Variants in AUTS2 observed in about 807,000 individuals in gnomAD.
AUTS2 encodes autism susceptibility gene 2 protein.
AUTS2 carries 17 observed loss-of-function variants against 112.4 expected under a neutral mutation model. The observed-to-expected ratio is 0.15, with a 90% confidence interval of 0.10 to 0.23. AUTS2 has a LOEUF of 0.23. Ranked by LOEUF, AUTS2 falls within the 10% of genes least tolerant of loss-of-function variation. The pLI, the probability that AUTS2 is intolerant of heterozygous loss-of-function variation, is 1.00. For missense variants in AUTS2, 1,510 were observed against 1,701.6 expected (o/e 0.89, Z 1.98); for synonymous variants, 751 against 702.7 (o/e 1.07, Z -1.09).
chr7:70,350,155 T>C (rs1449302974), intron 4 of AUTS2, among the ~76,000 whole-genome samples: 7 of 152,218 alleles, frequency 4.6e-5, no homozygotes, highest in Non-Finnish European at 2.9e-5. Flanking sequence ...CTGGAATTCA[T>C]GGGCTAAGTA....
intron 5 of AUTS2, among the ~76,000 whole-genome samples, chr7:70,579,598 C>T (rs897671121): frequency 6.6e-6 from 1 of 152,118 alleles, no homozygotes; most frequent in African/African-American, 2.4e-5. Flanking sequence ...TCAAGCCTAC[C>T]CTGCCCAGGG....
intron 1 of AUTS2, among the ~76,000 whole-genome samples, chr7:69,671,946 G>A (rs1232283771): frequency 6.6e-6 from 1 of 152,120 alleles, no homozygotes; most frequent in Non-Finnish European, 1.5e-5. Context: ...ATAAAGCCAT[G>A]TTAAGGCTTC....
chr7:70,378,622 G>A (rs1467933381), intron 4 of AUTS2, among the ~76,000 whole-genome samples: 1 of 152,218 alleles, frequency 6.6e-6, no homozygotes, highest in Non-Finnish European at 1.5e-5. Flanking sequence ...GTGGCAGACA[G>A]GGTTCTACTT....
At chr7:70,081,367 A>G (rs1172683044) in intron 2 of AUTS2, among the ~76,000 whole-genome samples, 1 of 148,346 alleles carries the variant, frequency 6.7e-6, no homozygotes, top group Non-Finnish European at 1.5e-5. Flanking sequence ...CCTAGCCAAC[A>G]TGGCGAAACC....
chr7:70,356,646 A>G (rs981946833), intron 4 of AUTS2, among the ~76,000 whole-genome samples: 12 of 152,122 alleles, frequency 7.9e-5, no homozygotes, highest in Non-Finnish European at 1.8e-4. Context: ...TGCAGTGTGT[A>G]CTCAGTTATA....
At chr7:70,215,114 G>A (rs998004639) in intron 4 of AUTS2, among the ~76,000 whole-genome samples, 3 of 152,024 alleles carry the variant, frequency 2.0e-5, no homozygotes, top group African/African-American at 4.8e-5. Flanking sequence ...CTGAGACCCC[G>A]TCTCTACAAA....
At chr7:70,448,448 C>T (rs531657200) in intron 5 of AUTS2, among the ~76,000 whole-genome samples, 84 of 152,264 alleles carry the variant, frequency 5.5e-4, no homozygotes, top group African/African-American at 1.8e-3. Context: ...TCCCTGCCCC[C>T]GCTCCCCTCC....
intron 1 of AUTS2, among the ~76,000 whole-genome samples, chr7:69,717,601 T>C (rs1798684173): frequency 1.3e-5 from 2 of 152,190 alleles, no homozygotes; most frequent in South Asian, 4.1e-4. Context: ...AAAAAAAATT[T>C]TTTTTGAAGT....
chr7:69,955,002 T>C (rs1459323485), intron 2 of AUTS2, among the ~76,000 whole-genome samples: 3 of 152,236 alleles, frequency 2.0e-5, no homozygotes, highest in African/African-American at 7.2e-5. Context: ...GCATTTGTTC[T>C]GTAACACCAT....
intron 3 of AUTS2, among the ~76,000 whole-genome samples, chr7:70,130,374 A>G (rs1293177275): frequency 6.6e-6 from 1 of 152,222 alleles, no homozygotes; most frequent in Non-Finnish European, 1.5e-5. Context: ...TAAAACAGAA[A>G]TGTTAACTTC....
chr7:69,894,939 G>A (rs907311967), intron 1 of AUTS2, among the ~76,000 whole-genome samples: 4 of 152,138 alleles, frequency 2.6e-5, no homozygotes, highest in Middle Eastern at 3.4e-3. Context: ...CATGGTAGAC[G>A]AATGAATCAA....
chr7:70,609,452 T>C (rs1803956506), intron 5 of AUTS2, among the ~76,000 whole-genome samples: 1 of 147,606 alleles, frequency 6.8e-6, no homozygotes, highest in East Asian at 2.0e-4. Flanking sequence ...TGGAGTGCAG[T>C]GGTGTGATCT....
intron 6 of AUTS2, among the ~76,000 whole-genome samples, chr7:70,717,217 T>TAA (rs2129550799): frequency 6.6e-6 from 1 of 152,108 alleles, no homozygotes. Flanking sequence ...GGCTAATTTT[T>TAA]TAATTTTCTA....
At chr7:70,022,460 A>C (rs887437791) in intron 2 of AUTS2, among the ~76,000 whole-genome samples, 27 of 152,008 alleles carry the variant, frequency 1.8e-4, no homozygotes, top group African/African-American at 6.0e-4. Flanking sequence ...GCTGGGATTA[A>C]CAGGTGCACA....
chr7:70,419,470 A>G (rs1795124068), intron 4 of AUTS2, among the ~76,000 whole-genome samples: 1 of 152,158 alleles, frequency 6.6e-6, no homozygotes, highest in South Asian at 2.1e-4. Context: ...TAAGGTTAAA[A>G]ACGTGAATAT....
intron 4 of AUTS2, among the ~76,000 whole-genome samples, chr7:70,338,576 C>G (rs1376384524): frequency 6.6e-6 from 1 of 152,022 alleles, no homozygotes. Context: ...TTTAGTCTTC[C>G]CAGTTAAAGC....
intron 1 of AUTS2, among the ~76,000 whole-genome samples, chr7:69,811,150 A>G (rs1790528372): frequency 6.6e-6 from 1 of 152,164 alleles, no homozygotes; most frequent in African/African-American, 2.4e-5. Flanking sequence ...TGACTGGGTT[A>G]CCTTCATAAA....
At chr7:69,793,014 T>G (rs1789685324) in intron 1 of AUTS2, among the ~76,000 whole-genome samples, 1 of 152,192 alleles carries the variant, frequency 6.6e-6, no homozygotes, top group Non-Finnish European at 1.5e-5. Context: ...GTTCAGTCCC[T>G]TTTCCTAGCC....
intron 1 of AUTS2, among the ~76,000 whole-genome samples, chr7:69,833,591 C>T (rs866134730): frequency 1.3e-4 from 20 of 152,200 alleles, no homozygotes; most frequent in South Asian, 1.0e-3. Context: ...TCCACCACCA[C>T]GCCCAGCTAA....
Sources: allele counts gnomAD v4.1 joint callset (sites outside exome capture counted in the v4.1 genomes callset), GRCh38; gene constraint gnomAD v4.1.1; transcripts MANE v1.5; gene names NCBI Gene and HGNC (gene_info 2026-07-23, HGNC 2026-07-21).